SEPHS1: variants seen among roughly 807,000 people sequenced by gnomAD.
The protein encoded by SEPHS1 is selenophosphate synthetase 1.
Under a neutral mutation model 39.2 loss-of-function variants are expected in SEPHS1, and 7 were observed. The ratio of observed to expected loss-of-function variants is 0.18; its 90% CI spans 0.10 to 0.34. The LOEUF (loss-of-function observed/expected upper bound fraction) is 0.34, where lower values mean the gene tolerates loss of function less well. Among genes scored for constraint, SEPHS1 ranks in the 10% least tolerant of loss-of-function variants. The pLI, the probability that SEPHS1 is intolerant of heterozygous loss-of-function variation, is 1.00. For missense variants in SEPHS1, 253 were observed against 514.5 expected (o/e 0.49, Z 4.92); for synonymous variants, 190 against 195.5 (o/e 0.97, Z 0.23).
intron 7 of SEPHS1, among the ~76,000 whole-genome samples, chr10:13,325,863 AC>A (rs1833250314): frequency 7.8e-6 from 1 of 127,508 alleles, no homozygotes; most frequent in East Asian, 2.6e-4. Flanking sequence ...ACCCCACTGC[AC>A]TCCAGCCTGG....
At chr10:13,347,935 G>T (rs1833982839) in intron 1 of SEPHS1, 65 bp downstream of exon 1, 1 of 147,526 alleles carries the variant, frequency 6.8e-6, no homozygotes, top group African/African-American at 2.5e-5. Context: ...CGGCCGCCGC[G>T]GGCCTGCGGA....
chr10:13,341,317 T>C (rs1314248581), intron 2 of SEPHS1, among the ~76,000 whole-genome samples: 3 of 151,542 alleles, frequency 2.0e-5, no homozygotes, highest in Non-Finnish European at 3.0e-5. Context: ...AAGCCTTAAA[T>C]ACTAGACAGA....
intron 2 of SEPHS1, among the ~76,000 whole-genome samples, chr10:13,344,197 C>A (rs752159371): frequency 6.6e-6 from 1 of 152,154 alleles, no homozygotes; most frequent in Non-Finnish European, 1.5e-5. Context: ...TCACTGCCAT[C>A]CAAGTACAGC....
At chr10:13,342,467 C>T (rs1833820559) in intron 2 of SEPHS1, among the ~76,000 whole-genome samples, 1 of 151,464 alleles carries the variant, frequency 6.6e-6, no homozygotes, top group Admixed American at 6.6e-5. Flanking sequence ...GCCTGTAGTC[C>T]CAGCTACTTG....
rs151205320 is a variant in SEPHS1, at chr10:13,322,939, G to A, written c.860C>T (p.Ser287Leu). 2 of 1,613,972 alleles carry A rather than the reference G, an allele frequency of 1.2e-6. No individual in the cohort carries two copies. Among genetic ancestry groups the A allele is most frequent in the Non-Finnish European group, 1.7e-6 (2 of 1,179,906 alleles). ...CACCGGGAGGTTGTGAATTACAAAC[G>A]ACACCTCGTTCCTCTGCTGCTTGGC... is the stretch of plus-strand genomic sequence containing the variant. The part of the protein sequence containing the change: ...NLAKQQRNEV[S>L]FVIHNLPVLA... Residue 287 changes from serine (S) to leucine (L), a missense_variant, in exon 8 of 9, where the codon TCG (serine) becomes TTG (leucine). Coordinates refer to ENST00000327347, the MANE Select transcript of SEPHS1 (RefSeq NM_012247.5).
intron 1 of SEPHS1, 99 bp downstream of exon 1, chr10:13,347,901 G>A (rs1337234207): frequency 6.8e-6 from 1 of 147,168 alleles, no homozygotes; most frequent in South Asian, 2.1e-4. Context: ...GGCGGTCCCG[G>A]GCGGCCCGGA....
At chr10:13,342,412 C>T (rs1405892344) in intron 2 of SEPHS1, among the ~76,000 whole-genome samples, 1 of 151,944 alleles carries the variant, frequency 6.6e-6, no homozygotes, top group Non-Finnish European at 1.5e-5. Context: ...GAAACCCCGT[C>T]TCTACTAAAA....
chr10:13,343,391 T>G lies in SEPHS1; in HGVS notation c.193+1367A>C, dbSNP rs192607750. 2.0e-5 allele frequency among the ~76,000 whole-genome samples: 3 copies of G among 152,308 alleles called. No homozygotes were observed. In the East Asian group the frequency reaches 5.8e-4, roughly 29 times the overall value. On this transcript the variant is annotated intron_variant, in intron 2 of 8. Transcript: ENST00000327347. ...CAAAGTCCTGCAGGTCACCAGCGAC[T>G]GGGGTGTAACATTTCTTCCTTTCCA...
chr10:13,323,937 A>G (rs535215737), intron 7 of SEPHS1, among the ~76,000 whole-genome samples: 17 of 152,196 alleles, frequency 1.1e-4, no homozygotes, highest in Non-Finnish European at 1.9e-4. Context: ...TTATCCATTC[A>G]TCCACTCACC....
At chr10:13,336,401 C>T in intron 3 of SEPHS1, 51 bp from the exon 4 acceptor site, 1 of 1,382,624 alleles carries the variant, frequency 7.2e-7, no homozygotes, top group Non-Finnish European at 1.0e-6. Flanking sequence ...TTTCCATCTG[C>T]AGAAACTGAG....
chr10:13,340,363 G>A (rs1371991588), intron 2 of SEPHS1, among the ~76,000 whole-genome samples: 3 of 152,054 alleles, frequency 2.0e-5, no homozygotes, highest in Non-Finnish European at 2.9e-5. Flanking sequence ...TCAGGCACTG[G>A]ATCAGTTTTC....
At chr10:13,344,650 CA>C (rs1190505712) in intron 2 of SEPHS1, 107 bp downstream of exon 2, 15 of 803,606 alleles carry the variant, frequency 1.9e-5, no homozygotes, top group African/African-American at 3.6e-5. Flanking sequence ...TCTATAAAAG[CA>C]AAAAAAGTAA....
At chr10:13,334,456 G>A (rs761703951) in intron 4 of SEPHS1, among the ~76,000 whole-genome samples, 4 of 152,124 alleles carry the variant, frequency 2.6e-5, no homozygotes, top group Non-Finnish European at 2.9e-5. Context: ...CAGGAGAATC[G>A]CTTGAACCTG....
At chr10:13,336,726 C>A (rs972580807) in intron 3 of SEPHS1, among the ~76,000 whole-genome samples, 1 of 152,014 alleles carries the variant, frequency 6.6e-6, no homozygotes, top group Non-Finnish European at 1.5e-5. Flanking sequence ...AGCTATGGAG[C>A]GAAAAAGCCT....
At chr10:13,321,780 T>C (rs1052128629) in intron 8 of SEPHS1, among the ~76,000 whole-genome samples, 19 of 152,338 alleles carry the variant, frequency 1.2e-4, no homozygotes, top group African/African-American at 4.6e-4. Context: ...GCCTGTAGGC[T>C]GTGGGTGGCG....
chr10:13,319,020 C>T lies in SEPHS1; in HGVS notation c.*122G>A, dbSNP rs1268226453. 1.6e-5 allele frequency: 15 copies of T among 926,618 alleles called. No individual in the cohort carries two copies. The highest frequency in any genetic ancestry group is 3.4e-5 in the African/African-American group (2 of 59,240). The allele number at this position is 926,618 out of a possible 1,614,324, so 57.4% of individuals were successfully genotyped here. A position where few individuals can be genotyped will look rare whatever the true frequency, so the allele number is the denominator to read the frequency against. On this transcript the variant is annotated 3_prime_UTR_variant, in exon 9 of 9. Coordinates refer to ENST00000327347, the MANE Select transcript of SEPHS1 (RefSeq NM_012247.5). ...TTATTAATTGTATCCACTTACAAAC[C>T]GACCTAAGGTCACCCCGATGTGTAG...
intron 5 of SEPHS1, among the ~76,000 whole-genome samples, chr10:13,330,101 C>A (rs910131733): frequency 2.6e-5 from 4 of 152,102 alleles, no homozygotes; most frequent in Non-Finnish European, 4.4e-5. Context: ...AACAAGGACC[C>A]CATTTCAAAA....
chr10:13,336,867 T>C (rs1833651658), intron 3 of SEPHS1, among the ~76,000 whole-genome samples: 1 of 152,188 alleles, frequency 6.6e-6, no homozygotes, highest in Admixed American at 6.5e-5. Flanking sequence ...GTTTGCAGCT[T>C]AGGCTGGGTG....
chr10:13,343,028 C>A (rs1346232167), intron 2 of SEPHS1, among the ~76,000 whole-genome samples: 1 of 152,166 alleles, frequency 6.6e-6, no homozygotes, highest in African/African-American at 2.4e-5. Context: ...AGCCACCGCA[C>A]CCAACCCCAA....
Sources: allele counts gnomAD v4.1 joint callset (sites outside exome capture counted in the v4.1 genomes callset), GRCh38; gene constraint gnomAD v4.1.1; transcripts MANE v1.5; gene names NCBI Gene and HGNC (gene_info 2026-07-23, HGNC 2026-07-21).